LYRM4: variants seen among roughly 807,000 people sequenced by gnomAD.
LYRM4 encodes LYR motif containing 4.
In LYRM4, 9 loss-of-function variants were observed where a neutral mutation model predicts 11.7. The ratio of observed to expected loss-of-function variants is 0.77; its 90% CI spans 0.46 to 1.34. The LOEUF (loss-of-function observed/expected upper bound fraction) is 1.34. Among genes scored for constraint, LYRM4 ranks in the 40% most tolerant of loss-of-function variants. LYRM4 has a pLI of 0.00. For synonymous variants in LYRM4, 42 were observed against 40.4 expected (o/e 1.04, Z -0.15); for missense variants, 133 against 112.5 (o/e 1.18, Z -0.82).
intron 1 of LYRM4, 52 bp downstream of exon 1, chr6:5,260,596 G>GGGGCCCC: frequency 2.5e-6 from 3 of 1,204,082 alleles, no homozygotes; most frequent in Admixed American, 2.1e-5. Flanking sequence ...CCGCACCCCC[G>GGGGCCCC]GTCCCCGGCC....
At chr6:5,054,837 A>G in the LYRM4 span, among the ~76,000 whole-genome samples, 3 of 152,212 alleles carry the variant, frequency 2.0e-5, no homozygotes, top group African/African-American at 4.8e-5. Context: ...ATGGAATCAC[A>G]TGACGGATAT....
intron 2 of LYRM4, among the ~76,000 whole-genome samples, chr6:5,192,993 C>T (rs1760850578): frequency 6.6e-6 from 1 of 152,178 alleles, no homozygotes; most frequent in Non-Finnish European, 1.5e-5. Flanking sequence ...CACTGTACTC[C>T]AGCCTGGGTG....
intron 2 of LYRM4, among the ~76,000 whole-genome samples, chr6:5,111,932 G>A (rs1402623513): frequency 6.6e-6 from 1 of 152,170 alleles, no homozygotes; most frequent in African/African-American, 2.4e-5. Flanking sequence ...AACAAAGCTG[G>A]CCAGAGTCAA....
At chr6:5,230,805 G>A (rs1763192913) in intron 1 of LYRM4, among the ~76,000 whole-genome samples, 1 of 152,112 alleles carries the variant, frequency 6.6e-6, no homozygotes, top group Non-Finnish European at 1.5e-5. Context: ...AACAACACAT[G>A]AGCAAGGAAG....
the LYRM4 span, among the ~76,000 whole-genome samples, chr6:5,047,228 A>G: frequency 1.3e-5 from 2 of 152,244 alleles, no homozygotes; most frequent in Non-Finnish European, 2.9e-5. Context: ...TCTTTTAGAT[A>G]AGACGATCAA....
intron 2 of LYRM4, among the ~76,000 whole-genome samples, chr6:5,125,633 AGAGG>A (rs1195596628): frequency 2.9e-4 from 44 of 152,356 alleles, no homozygotes; most frequent in East Asian, 3.9e-4. Context: ...TGAGCCTGGC[AGAGG>A]GAGGCACCCC....
intron 2 of LYRM4, among the ~76,000 whole-genome samples, chr6:5,167,991 G>A (rs540520088): frequency 3.3e-5 from 5 of 152,108 alleles, no homozygotes; most frequent in Non-Finnish European, 2.9e-5. Context: ...ACACAGGAAC[G>A]GGGTTGCAAG....
intron 1 of LYRM4, among the ~76,000 whole-genome samples, chr6:5,230,060 CGT>C (rs1491372698): frequency 6.6e-6 from 1 of 152,126 alleles, no homozygotes; most frequent in Non-Finnish European, 1.5e-5. Flanking sequence ...TAAAATGAAA[CGT>C]GTTTAGCTTG....
chr6:5,100,395 T>C (rs994156377), downstream of LYRM4, among the ~76,000 whole-genome samples: 1 of 152,112 alleles, frequency 6.6e-6, no homozygotes, highest in African/African-American at 2.4e-5. Flanking sequence ...CCAGAGCGGA[T>C]TTCTCTTCTC....
At chr6:5,260,043 C>T (rs753196015) in intron 1 of LYRM4, among the ~76,000 whole-genome samples, 4 of 152,288 alleles carry the variant, frequency 2.6e-5, no homozygotes, top group African/African-American at 7.2e-5. Flanking sequence ...GTCCAGTAAG[C>T]GGGATCTCTG....
the LYRM4 span, chr6:5,089,210 T>C: frequency 1.3e-5 from 2 of 152,208 alleles, no homozygotes; most frequent in Admixed American, 1.3e-4. Context: ...AATGATAAAA[T>C]GAAACAATTT....
chr6:5,190,760 G>C (rs1018625947), intron 2 of LYRM4, among the ~76,000 whole-genome samples: 8 of 152,194 alleles, frequency 5.3e-5, no homozygotes, highest in Non-Finnish European at 1.0e-4. Flanking sequence ...ACTGTGGAAT[G>C]CTGGGGTCAG....
At chr6:5,164,638 ATG>A (rs1408684103) in intron 2 of LYRM4, among the ~76,000 whole-genome samples, 1 of 152,108 alleles carries the variant, frequency 6.6e-6, no homozygotes, top group Non-Finnish European at 1.5e-5. Flanking sequence ...CCCTTTGTTT[ATG>A]TGTATTCTGG....
chr6:5,214,586 C>T (rs1044858895), intron 2 of LYRM4, among the ~76,000 whole-genome samples: 1 of 152,142 alleles, frequency 6.6e-6, no homozygotes, highest in Non-Finnish European at 1.5e-5. Context: ...GGGGCAGGGG[C>T]ACCCGGAGGA....
the LYRM4 span, among the ~76,000 whole-genome samples, chr6:5,051,443 C>T: frequency 6.6e-6 from 1 of 152,176 alleles, no homozygotes; most frequent in African/African-American, 2.4e-5. Context: ...TCATCCCATA[C>T]ACCGAATCCC....
intron 2 of LYRM4, among the ~76,000 whole-genome samples, chr6:5,118,094 A>ATATATATATATTTTTTTTTTTTT: frequency 1.2e-5 from 1 of 86,114 alleles, no homozygotes; most frequent in African/African-American, 3.9e-5. Flanking sequence ...ATATATATAT[A>ATATATATATATTTTTTTTTTTTT]TTTTTGTTTT....
At chr6:5,188,773 A>G (rs1760573439) in intron 2 of LYRM4, among the ~76,000 whole-genome samples, 1 of 152,102 alleles carries the variant, frequency 6.6e-6, no homozygotes, top group Non-Finnish European at 1.5e-5. Context: ...TTATGATGAT[A>G]TATTTTCTGA....
In LYRM4 at chr6:5,218,417, G is replaced by A. The variant is rs1392257876; in HGVS notation, c.87-1679C>T. ...TATTGGGAAACTTTATCTTAAAAAG[G>A]ACAAATTGTTTCAGATAAAGTTTTT... On this transcript the variant is annotated intron_variant, in intron 1 of 2. Coordinates refer to ENST00000330636, the MANE Select transcript of LYRM4 (RefSeq NM_020408.6). The A allele has an allele frequency of 3.1e-6, 3 of 981,902 alleles. No individual in the cohort carries two copies. The East Asian group carries it at 3.4e-4, about 112-fold the overall frequency. The allele number at this position is 981,902 out of a possible 1,614,324, so 60.8% of individuals were successfully genotyped here. A position where few individuals can be genotyped will look rare whatever the true frequency, so the allele number is the denominator to read the frequency against.
chr6:5,058,610 G>A, the LYRM4 span, among the ~76,000 whole-genome samples: 39 of 152,184 alleles, frequency 2.6e-4, 1 homozygote, highest in Non-Finnish European at 5.1e-4. Context: ...GGAACCCATG[G>A]GCACCCAGTG....
Sources: gnomAD v4.1 joint callset for allele counts (sites outside exome capture counted in the v4.1 genomes callset) on GRCh38, gnomAD v4.1.1 for gene constraint, MANE v1.5 for transcripts, NCBI Gene and HGNC (gene_info 2026-07-23, HGNC 2026-07-21) for gene names.